GOLM2: variants seen among roughly 807,000 people sequenced by gnomAD.
GOLM2 encodes protein GOLM2.
Under a neutral mutation model 55.9 loss-of-function variants are expected in GOLM2, and 26 were observed. That is an observed-to-expected ratio of 0.47 (90% CI 0.34 to 0.65). GOLM2 has a LOEUF of 0.65. GOLM2 is among the 30% of genes least tolerant of loss of function. The pLI is 0.01. For synonymous variants in GOLM2, 165 were observed against 194.6 expected, an observed-to-expected ratio of 0.85 and a Z score of 1.27; for missense variants, 486 against 531.8, an observed-to-expected ratio of 0.91 and a Z score of 0.85.
At chr15:44,299,614 A>C (rs968594273) in intron 1 of GOLM2, among the ~76,000 whole-genome samples, 5 of 152,156 alleles carry the variant, frequency 3.3e-5, no homozygotes, top group African/African-American at 1.2e-4. Flanking sequence ...TTCACTGGAA[A>C]GAACAAGGGT....
intron 6 of GOLM2, among the ~76,000 whole-genome samples, chr15:44,363,218 C>T (rs2079255296): frequency 2.6e-5 from 4 of 152,132 alleles, no homozygotes; most frequent in Admixed American, 1.3e-4. Context: ...TAAAGAGCTT[C>T]TGCACAGCAA....
intron 1 of GOLM2, among the ~76,000 whole-genome samples, chr15:44,322,095 T>A (rs2078954364): frequency 6.6e-6 from 1 of 151,816 alleles, no homozygotes; most frequent in Non-Finnish European, 1.5e-5. Context: ...AGGCCAGGCG[T>A]GGTGGCTCAT....
At chr15:44,336,941 T>A (rs929200158) in intron 4 of GOLM2, among the ~76,000 whole-genome samples, 2 of 151,840 alleles carry the variant, frequency 1.3e-5, no homozygotes, top group Non-Finnish European at 2.9e-5. Context: ...TAAAAAAAAA[T>A]ATTTGGCTCT....
chr15:44,344,726 G>C (rs564683515), intron 6 of GOLM2, among the ~76,000 whole-genome samples: 1 of 151,712 alleles, frequency 6.6e-6, no homozygotes, highest in South Asian at 2.1e-4. Context: ...GAGGGGCTGC[G>C]ATTACAGGCT....
chr15:44,325,991 C>T (rs556281044), intron 2 of GOLM2, among the ~76,000 whole-genome samples: 12 of 152,080 alleles, frequency 7.9e-5, no homozygotes, highest in East Asian at 3.9e-4. Context: ...TGGCTGGGCA[C>T]GGTGGCTCAC....
intron 8 of GOLM2, among the ~76,000 whole-genome samples, chr15:44,384,907 T>TAAAA (rs137866986): frequency 1.4e-5 from 2 of 140,832 alleles, no homozygotes; most frequent in Non-Finnish European, 3.1e-5. Context: ...GACTGCATCT[T>TAAAA]AAAAAAAAAA....
intron 3 of GOLM2, among the ~76,000 whole-genome samples, chr15:44,331,174 C>T (rs2079020300): frequency 6.6e-6 from 1 of 152,096 alleles, no homozygotes; most frequent in African/African-American, 2.4e-5. Context: ...ACCACCATGC[C>T]TGGCTATATT....
At chr15:44,377,320 G>A (rs986411501) in intron 6 of GOLM2, among the ~76,000 whole-genome samples, 3 of 152,148 alleles carry the variant, frequency 2.0e-5, no homozygotes, top group Non-Finnish European at 4.4e-5. Context: ...TGCAGTGAGT[G>A]ATGATTTTGC....
At chr15:44,323,444 T>C (rs1190135280) in intron 2 of GOLM2, among the ~76,000 whole-genome samples, 2 of 151,526 alleles carry the variant, frequency 1.3e-5, no homozygotes, top group African/African-American at 4.8e-5. Flanking sequence ...TTAGATACCC[T>C]GGGAACAGAA....
intron 2 of GOLM2, among the ~76,000 whole-genome samples, chr15:44,323,514 C>G (rs1173710366): frequency 2.0e-5 from 3 of 150,600 alleles, no homozygotes; most frequent in African/African-American, 7.3e-5. Flanking sequence ...TAAAAATACA[C>G]ACACATATTT....
chr15:44,409,340 A>C (rs1335910662), intron 9 of GOLM2, among the ~76,000 whole-genome samples: 1 of 150,708 alleles, frequency 6.6e-6, no homozygotes, highest in Non-Finnish European at 1.5e-5. Flanking sequence ...GTAATCTAGC[A>C]CTTTGGGAGG....
intron 1 of GOLM2, among the ~76,000 whole-genome samples, chr15:44,294,728 ACAC>A (rs965996599): frequency 6.7e-6 from 1 of 148,758 alleles, no homozygotes; most frequent in Non-Finnish European, 1.5e-5. Flanking sequence ...AAAAAAAAAA[ACAC>A]CACCACCACA....
chr15:44,306,066 C>A (rs1182260149), intron 1 of GOLM2, among the ~76,000 whole-genome samples: 1 of 152,176 alleles, frequency 6.6e-6, no homozygotes, highest in African/African-American at 2.4e-5. Flanking sequence ...CACCAGCTGT[C>A]CCTAACAGGA....
Position 44,413,694 on chromosome 15 carries a change from C to G in GOLM2, c.*288C>G, listed in dbSNP as rs1458610333. On this transcript the variant is annotated 3_prime_UTR_variant, in exon 10 of 10. Transcript: ENST00000299957. ...TATATTTCACATTTTATTGAGCCGA[C>G]TTATTTCCACAAATAGATAAACAGG... 10 of 269,552 alleles carry G rather than the reference C, an allele frequency of 3.7e-5. 1 individual carries two copies. Among genetic ancestry groups the G allele is most frequent in the Non-Finnish European group, 1.4e-5 (2 of 142,926 alleles). The allele number at this position is 269,552 out of a possible 1,614,324, so 16.7% of individuals were successfully genotyped here.
At chr15:44,393,280 A>G (rs1396065572) in intron 8 of GOLM2, among the ~76,000 whole-genome samples, 1 of 152,204 alleles carries the variant, frequency 6.6e-6, no homozygotes, top group East Asian at 1.9e-4. Context: ...GACATCAGAT[A>G]CCTTGAAAAG....
chr15:44,300,530 G>A (rs144223925), intron 1 of GOLM2, among the ~76,000 whole-genome samples: 1 of 152,196 alleles, frequency 6.6e-6, no homozygotes, highest in East Asian at 1.9e-4. Context: ...ATGATGACTA[G>A]GATTTAGTTG....
intron 8 of GOLM2, among the ~76,000 whole-genome samples, chr15:44,399,761 G>A (rs543249790): frequency 7.2e-5 from 11 of 152,188 alleles, no homozygotes; most frequent in African/African-American, 2.4e-4. Flanking sequence ...TTGGGAGGCC[G>A]AGGCGGGCGG....
At chr15:44,357,173 G>A (rs540914000) in intron 6 of GOLM2, among the ~76,000 whole-genome samples, 36 of 149,798 alleles carry the variant, frequency 2.4e-4, no homozygotes, top group Admixed American at 1.9e-3. Context: ...ACCACCACCC[G>A]CCCCCCAAAA....
intron 6 of GOLM2, 64 bp from the exon 7 acceptor site, chr15:44,379,618 GTTTTTTTT>G: frequency 2.3e-6 from 1 of 428,368 alleles, no homozygotes; most frequent in South Asian, 2.8e-5. Flanking sequence ...ATTCACGGTG[GTTTTTTTT>G]TTTTTTTTTT....
Sources: gnomAD v4.1 joint callset for allele counts (sites outside exome capture counted in the v4.1 genomes callset) on GRCh38, gnomAD v4.1.1 for gene constraint, MANE v1.5 for transcripts, NCBI Gene and HGNC (gene_info 2026-07-23, HGNC 2026-07-21) for gene names.